Variants in PLEKHA5 observed in about 807,000 individuals in gnomAD.
PLEKHA5 encodes pleckstrin homology domain-containing family A member 5.
A neutral mutation model predicts 181.9 loss-of-function variants in PLEKHA5; 55 were observed. The observed-to-expected ratio is 0.30, with a 90% CI of 0.24 to 0.38. PLEKHA5 has a LOEUF of 0.38. Among genes scored for constraint, PLEKHA5 ranks in the 10% least tolerant of loss-of-function variants. The pLI is 1.00. For missense variants in PLEKHA5, 1,432 were observed against 1,549.5 expected (o/e 0.92, Z 1.27); for synonymous variants, 535 against 529.4 (o/e 1.01, Z -0.15).
intron 15 of PLEKHA5, among the ~76,000 whole-genome samples, chr12:19,297,534 A>G (rs1166068873): frequency 6.7e-6 from 1 of 149,410 alleles, no homozygotes; most frequent in Non-Finnish European, 1.5e-5. Flanking sequence ...AGGCAGGAGA[A>G]TGGCGTGAAC....
chr12:19,218,646 A>G (rs1167650514), intron 3 of PLEKHA5, among the ~76,000 whole-genome samples: 3 of 152,140 alleles, frequency 2.0e-5, no homozygotes, highest in African/African-American at 7.2e-5. Context: ...TGTAAAAAAC[A>G]TGTCTAAAGT....
intron 16 of PLEKHA5, among the ~76,000 whole-genome samples, chr12:19,316,235 A>C (rs1040279186): frequency 3.3e-5 from 5 of 152,218 alleles, no homozygotes; most frequent in African/African-American, 1.2e-4. Context: ...TTATGTTTTT[A>C]TCACATTTTG....
intron 3 of PLEKHA5, among the ~76,000 whole-genome samples, chr12:19,189,105 T>C (rs1208764329): frequency 1.3e-5 from 2 of 152,158 alleles, no homozygotes; most frequent in East Asian, 1.9e-4. Context: ...AAGAATCTTC[T>C]AGGCTGAAGA....
intron 20 of PLEKHA5, 94 bp from the exon 21 acceptor site, chr12:19,336,421 A>C: frequency 1.4e-6 from 1 of 691,812 alleles, no homozygotes; most frequent in Non-Finnish European, 2.5e-6. Context: ...TATAAACTAT[A>C]TGACTTTCTA....
chr12:19,183,661 A>G (rs1373399720), intron 3 of PLEKHA5, among the ~76,000 whole-genome samples: 1 of 152,252 alleles, frequency 6.6e-6, no homozygotes, highest in Non-Finnish European at 1.5e-5. Flanking sequence ...TGGTGTTTCA[A>G]GGAACAGCAG....
At position 19,329,472 on chromosome 12, in the gene PLEKHA5, TTTG is replaced by T. The variant is rs534753013; in HGVS notation, c.2448+6808_2448+6810del. Among the ~76,000 whole-genome samples, 59 of 152,176 alleles carry T rather than the reference TTTG, an allele frequency of 3.9e-4. 1 individual carries two copies. The highest frequency in any genetic ancestry group is 7.9e-4 in the Non-Finnish European group (54 of 68,032). ...TGAATCCATCTGATCCGTGCCTTTT[TTTG>T]TTTGGCAGGTTTTTTATTACAGATT... is the stretch of plus-strand genomic sequence containing the variant. On this transcript the variant is annotated intron_variant, in intron 20 of 31. Coordinates refer to ENST00000429027, the MANE Select transcript of PLEKHA5 (RefSeq NM_001256470.2).
chr12:19,265,564 T>C (rs144203422), intron 7 of PLEKHA5, among the ~76,000 whole-genome samples, 186 bp from the exon 8 acceptor site: 3,487 of 152,300 alleles, frequency 0.023, 79 homozygotes, highest in Non-Finnish European at 0.032. Flanking sequence ...GAATGCAGTA[T>C]ATATACCAAA....
chr12:19,307,591 G>T, intron 15 of PLEKHA5: 1 of 325,156 alleles, frequency 3.1e-6, no homozygotes, highest in South Asian at 3.6e-5. Flanking sequence ...AGGAGGAGGA[G>T]GACTCTCATC....
chr12:19,254,461 C>T (rs4536310), intron 4 of PLEKHA5, among the ~76,000 whole-genome samples: 131,544 of 152,226 alleles, frequency 0.86, 58,266 homozygotes, highest in Middle Eastern at 0.98. Flanking sequence ...AGAATAATCT[C>T]ATAATTCATT....
chr12:19,214,667 T>TG (rs1056598262), intron 3 of PLEKHA5, among the ~76,000 whole-genome samples: 105 of 152,128 alleles, frequency 6.9e-4, no homozygotes, highest in African/African-American at 2.4e-3. Context: ...AATATTTGCT[T>TG]GGGGCATGGG....
At chr12:19,301,526 T>A (rs769510584) in intron 15 of PLEKHA5, among the ~76,000 whole-genome samples, 1 of 152,140 alleles carries the variant, frequency 6.6e-6, no homozygotes, top group Non-Finnish European at 1.5e-5. Context: ...GTAAAACTTA[T>A]CCCTAGCCAA....
At chr12:19,276,719 A>G (rs911029571) in intron 11 of PLEKHA5, among the ~76,000 whole-genome samples, 1 of 152,218 alleles carries the variant, frequency 6.6e-6, no homozygotes, top group Admixed American at 6.5e-5. Flanking sequence ...GGCCTGGGCA[A>G]CTAGGGTGAT....
rs71064064 is a variant in PLEKHA5, at chr12:19,173,005, C to CTTTTTTTTTTTTTT, written c.227+40571_227+40584dup. The stretch of plus-strand genomic sequence containing the variant: ...AGAAAATTGCTACTGATTTCCCTTT[C>CTTTTTTTTTTTTTT]TTTTTTTTTTTTTTTTTTTTTTTTT... On this transcript the variant is annotated intron_variant, in intron 3 of 31. Coordinates refer to ENST00000429027, the MANE Select transcript of PLEKHA5 (RefSeq NM_001256470.2). 2.9e-3 allele frequency among the ~76,000 whole-genome samples: 98 copies of CTTTTTTTTTTTTTT among 33,550 alleles called. 39 individuals carry two copies. The highest frequency in any genetic ancestry group is 3.5e-3 in the Non-Finnish European group (67 of 19,202). 22.0% of individuals were successfully genotyped at this position (33,550 alleles called of 152,430 possible). A position where few individuals can be genotyped will look rare whatever the true frequency, so the allele number is the denominator to read the frequency against.
At chr12:19,224,299 A>C (rs1358011433) in intron 3 of PLEKHA5, among the ~76,000 whole-genome samples, 1 of 152,194 alleles carries the variant, frequency 6.6e-6, no homozygotes, top group Non-Finnish European at 1.5e-5. Flanking sequence ...TATGGTTAAT[A>C]GTACATGTGG....
chr12:19,145,641 A>G (rs192062078), intron 3 of PLEKHA5, among the ~76,000 whole-genome samples: 1 of 152,210 alleles, frequency 6.6e-6, no homozygotes, highest in East Asian at 1.9e-4. Flanking sequence ...TGGTTTTGTT[A>G]TACTCCTGTT....
chr12:19,224,776 TG>T (rs1211282258), intron 3 of PLEKHA5, among the ~76,000 whole-genome samples: 1 of 152,190 alleles, frequency 6.6e-6, no homozygotes, highest in East Asian at 1.9e-4. Context: ...CAAAAGTATA[TG>T]GCTTTAAATA....
At chr12:19,159,829 C>T (rs1019582005) in intron 3 of PLEKHA5, among the ~76,000 whole-genome samples, 3 of 152,086 alleles carry the variant, frequency 2.0e-5, no homozygotes, top group Admixed American at 6.5e-5. Context: ...TAGAGACAGG[C>T]AAGGCCTTTA....
chr12:19,313,197 AG>A (rs554744496), intron 15 of PLEKHA5, among the ~76,000 whole-genome samples: 23 of 152,104 alleles, frequency 1.5e-4, no homozygotes, highest in Non-Finnish European at 2.9e-4. Context: ...CAACATAATG[AG>A]GCCCCTGTCT....
intron 3 of PLEKHA5, among the ~76,000 whole-genome samples, chr12:19,184,940 T>C (rs1430717468): frequency 1.3e-5 from 2 of 152,120 alleles, no homozygotes; most frequent in Admixed American, 1.3e-4. Context: ...AAGAAGTGAT[T>C]GTTATATAGT....
Sources: allele counts gnomAD v4.1 joint callset (sites outside exome capture counted in the v4.1 genomes callset), GRCh38; gene constraint gnomAD v4.1.1; transcripts MANE v1.5; gene names NCBI Gene and HGNC (gene_info 2026-07-23, HGNC 2026-07-21).